Variants in DEPDC1B observed in about 807,000 individuals in gnomAD.
DEPDC1B encodes DEP domain containing 1B, also known as DEP domain-containing protein 1B.
Under a neutral mutation model 66.5 loss-of-function variants are expected in DEPDC1B, and 51 were observed. The observed-to-expected ratio is 0.77, with a 90% CI of 0.61 to 0.97. The LOEUF (loss-of-function observed/expected upper bound fraction) is 0.97, where lower values mean the gene tolerates loss of function less well. Among genes scored for constraint, DEPDC1B ranks in the 50% least tolerant of loss-of-function variants. DEPDC1B has a pLI of 0.00. For missense variants in DEPDC1B, 552 were observed against 637.1 expected (o/e 0.87, Z 1.44); for synonymous variants, 226 against 223.6 (o/e 1.01, Z -0.10).
chr5:60,682,576 A>G (rs1325155171), intron 2 of DEPDC1B, among the ~76,000 whole-genome samples: 1 of 152,182 alleles, frequency 6.6e-6, no homozygotes, highest in Non-Finnish European at 1.5e-5. Flanking sequence ...ATATGGGATT[A>G]CCATTAAGCA....
chr5:60,623,227 A>T (rs905615185), intron 7 of DEPDC1B, among the ~76,000 whole-genome samples: 3 of 152,154 alleles, frequency 2.0e-5, no homozygotes, highest in Non-Finnish European at 4.4e-5. Context: ...TTCCAACACT[A>T]CCCTGAAAAG....
chr5:60,641,954 G>C (rs879915161), intron 6 of DEPDC1B, among the ~76,000 whole-genome samples: 1 of 152,060 alleles, frequency 6.6e-6, no homozygotes, highest in Non-Finnish European at 1.5e-5. Context: ...TCTTCAAAAG[G>C]CTATTCAAAA....
chr5:60,633,273 T>C (rs1752965960), intron 7 of DEPDC1B, among the ~76,000 whole-genome samples: 1 of 152,188 alleles, frequency 6.6e-6, no homozygotes, highest in Non-Finnish European at 1.5e-5. Flanking sequence ...GTGTTCACAC[T>C]TTAACAAGAG....
chr5:60,669,328 C>A lies in DEPDC1B; in HGVS notation c.314+17634G>T, dbSNP rs187145814. 9.9e-5 allele frequency among the ~76,000 whole-genome samples: 15 copies of A among 152,276 alleles called. No individual in the cohort carries two copies. The East Asian group carries it at 2.7e-3, about 27-fold the overall frequency. Reference sequence around the variant, plus strand: ...TAACTATATACTGTGGAAGCATCAGCAGAAATTTGCAACATCAACAGCTTT... The same window carrying A: ...TAACTATATACTGTGGAAGCATCAGAAGAAATTTGCAACATCAACAGCTTT... On this transcript the variant is annotated intron_variant, in intron 2 of 10. Transcript: ENST00000265036.
intron 7 of DEPDC1B, among the ~76,000 whole-genome samples, chr5:60,631,311 G>A (rs1213448518): frequency 6.6e-6 from 1 of 152,198 alleles, no homozygotes. Flanking sequence ...ATTAGCCCCT[G>A]GACATCATCT....
intron 2 of DEPDC1B, among the ~76,000 whole-genome samples, chr5:60,653,479 T>TAG (rs1292894445): frequency 1.3e-5 from 2 of 152,226 alleles, no homozygotes; most frequent in Non-Finnish European, 1.5e-5. Context: ...TTGATTGAGT[T>TAG]CCTCGTACAT....
In DEPDC1B at chr5:60,644,875, G is replaced by T; in HGVS notation, c.579C>A (p.Tyr193Ter). The T allele has an allele frequency of 6.3e-7, 1 of 1,593,464 alleles. No homozygotes were observed. The highest frequency in any genetic ancestry group is 8.5e-7 in the Non-Finnish European group (1 of 1,169,742). The change falls in exon 5 of 11, where the codon TAC (tyrosine) becomes TAA (stop). Residue 193 changes from tyrosine to a stop codon, truncating the protein, a stop_gained and splice_region_variant. Transcript: ENST00000265036. LOFTEE classifies it high-confidence loss of function. ...AATCCAGGCCAAGAATTTTCTGTAA[G>T]CTAAAAGATAAGTAATTATATTAAT... Reference protein sequence around the residue: ...EEIWKSMTLSYLQKILGLDSL... With the variant: ...EEIWKSMTLS
chr5:60,686,157 C>A (rs1344699729), intron 2 of DEPDC1B, among the ~76,000 whole-genome samples: 1 of 152,182 alleles, frequency 6.6e-6, no homozygotes, highest in African/African-American at 2.4e-5. Context: ...CAGTGGAATG[C>A]CCTCACTGAA....
chr5:60,667,410 CAAAAAATGGATATTTTACATATATACA>C (rs1753867965), intron 2 of DEPDC1B, among the ~76,000 whole-genome samples: 70 of 134,732 alleles, frequency 5.2e-4, no homozygotes, highest in African/African-American at 6.9e-4. Flanking sequence ...TACATATATA[CAAAAAATGGATATTTTACATATATACA>C]AAAAATGGAT....
chr5:60,607,371 C>T (rs1752332322), intron 7 of DEPDC1B, among the ~76,000 whole-genome samples: 1 of 152,262 alleles, frequency 6.6e-6, no homozygotes, highest in African/African-American at 2.4e-5. Context: ...TTGATTATAT[C>T]ACTATCATCT....
chr5:60,608,242 C>T (rs1305159579), intron 7 of DEPDC1B, among the ~76,000 whole-genome samples: 1 of 152,152 alleles, frequency 6.6e-6, no homozygotes, highest in Admixed American at 6.6e-5. Context: ...CCACAAATCC[C>T]TTCTTTTTCC....
At chr5:60,622,149 A>T (rs1008800757) in intron 7 of DEPDC1B, among the ~76,000 whole-genome samples, 3 of 152,202 alleles carry the variant, frequency 2.0e-5, no homozygotes, top group African/African-American at 7.2e-5. Context: ...TGACAAATGC[A>T]TATCCCCATG....
In DEPDC1B at chr5:60,645,507, G is replaced by A; in HGVS notation, c.563C>T (p.Ser188Phe). The part of the protein sequence containing the change: ...TEANVEEIWK[S>F]MTLSYLQKIL... ...ATGTACATACTATGATAATGTCATA[G>A]ACTTCCATATCTCTTCTACATTGGC... Residue 188 changes from serine (S) to phenylalanine (F), a missense_variant, in exon 4 of 11, where the codon TCT becomes TTT. By Grantham distance (155) the Ser-to-Phe change is radical. Coordinates refer to ENST00000265036, the MANE Select transcript of DEPDC1B (RefSeq NM_018369.3). 1.2e-6 allele frequency: 2 copies of A among 1,609,828 alleles called. No individual in the cohort carries two copies. Among genetic ancestry groups the A allele is most frequent in the Middle Eastern group, 1.7e-4 (1 of 6,036 alleles).
At chr5:60,607,999 A>T (rs1284797958) in intron 7 of DEPDC1B, among the ~76,000 whole-genome samples, 1 of 152,162 alleles carries the variant, frequency 6.6e-6, no homozygotes, top group Non-Finnish European at 1.5e-5. Flanking sequence ...ATTATAAATG[A>T]CCTGAGAAAC....
chr5:60,620,105 A>G (rs951351100), intron 7 of DEPDC1B, among the ~76,000 whole-genome samples: 17 of 152,142 alleles, frequency 1.1e-4, no homozygotes, highest in African/African-American at 4.1e-4. Context: ...AGCTGAAACT[A>G]GATCCCTTCC....
intron 8 of DEPDC1B, 24 bp downstream of exon 8, chr5:60,605,666 A>AC: frequency 6.2e-7 from 1 of 1,607,196 alleles, no homozygotes. Flanking sequence ...AAAAAGTCAT[A>AC]CCTGATGTTA....
At chr5:60,631,705 A>C (rs1561366741) in intron 7 of DEPDC1B, among the ~76,000 whole-genome samples, 2 of 152,178 alleles carry the variant, frequency 1.3e-5, no homozygotes, top group Admixed American at 6.5e-5. Flanking sequence ...ACATAGAATA[A>C]ATTGCTCAGT....
At chr5:60,683,704 A>T (rs903449665) in intron 2 of DEPDC1B, among the ~76,000 whole-genome samples, 2 of 152,182 alleles carry the variant, frequency 1.3e-5, no homozygotes, top group East Asian at 3.8e-4. Context: ...TTAGAACAAG[A>T]TAAGATGCCC....
At chr5:60,648,705 G>A (rs192347747) in intron 2 of DEPDC1B, among the ~76,000 whole-genome samples, 1 of 152,036 alleles carries the variant, frequency 6.6e-6, no homozygotes, top group Non-Finnish European at 1.5e-5. Flanking sequence ...CATCAGTTTT[G>A]GGTCAGTTAA....
Sources: allele counts gnomAD v4.1 joint callset (sites outside exome capture counted in the v4.1 genomes callset), GRCh38; gene constraint gnomAD v4.1.1; transcripts MANE v1.5; gene names NCBI Gene and HGNC (gene_info 2026-07-23, HGNC 2026-07-21).